Variants in SRGN observed in about 807,000 individuals in gnomAD.
SRGN encodes hematopoetic proteoglycan core peptide.
SRGN carries 2 observed loss-of-function variants against 9.5 expected under a neutral mutation model. The ratio of observed to expected loss-of-function variants is 0.21; its 90% CI spans 0.09 to 0.66. The LOEUF is 0.66. SRGN is among the 30% of genes least tolerant of loss of function. SRGN has a pLI of 0.83. For synonymous variants in SRGN, 59 were observed against 72.3 expected (o/e 0.82, Z 0.93); for missense variants, 170 against 192.4 (o/e 0.88, Z 0.69).
chr10:69,093,686 G>GT (rs1436463851), intron 1 of SRGN, among the ~76,000 whole-genome samples: 2 of 151,956 alleles, frequency 1.3e-5, no homozygotes, highest in Non-Finnish European at 2.9e-5. Flanking sequence ...GACCTTCCTG[G>GT]CTAACCCCGT....
chr10:69,096,577 T>A (rs989897888), intron 1 of SRGN, among the ~76,000 whole-genome samples: 1 of 152,156 alleles, frequency 6.6e-6, no homozygotes, highest in Non-Finnish European at 1.5e-5. Flanking sequence ...GAAGGACAAT[T>A]TATATAAAAT....
rs774292860 is a variant in SRGN, at chr10:69,097,120, G to A, written c.116G>A (p.Arg39His). The A allele has an allele frequency of 6.8e-6, 11 of 1,613,968 alleles. No individual in the cohort carries two copies. In the Admixed American group the frequency reaches 1.0e-4, roughly 15 times the overall value. ...PTRRARYQWV[R>H]CNPDSNSANC... ...CGGAGAGCCAGGTACCAATGGGTGC[G>A]CTGCAATCCAGACAGTAATTCTGCA... The change falls in exon 2 of 3, where the codon CGC becomes CAC. Residue 39 changes from arginine (R) to histidine (H), a missense_variant. Arg to His is a conservative substitution (Grantham distance 29). Coordinates refer to ENST00000242465, the MANE Select transcript of SRGN (RefSeq NM_002727.4).
chr10:69,088,259 C>T (rs771129419), intron 1 of SRGN, 23 bp downstream of exon 1: 1 of 1,593,662 alleles, frequency 6.3e-7, no homozygotes, highest in East Asian at 2.2e-5. Context: ...AGTCTTGTTC[C>T]CCAGCCATCT....
intron 2 of SRGN, among the ~76,000 whole-genome samples, chr10:69,100,775 G>A (rs1840273056): frequency 6.6e-6 from 1 of 152,064 alleles, no homozygotes; most frequent in South Asian, 2.1e-4. Context: ...TGGGAGGCAA[G>A]GACGGGAGAC....
At chr10:69,094,359 A>C (rs1046733604) in intron 1 of SRGN, among the ~76,000 whole-genome samples, 11 of 152,206 alleles carry the variant, frequency 7.2e-5, no homozygotes, top group African/African-American at 2.4e-4. Context: ...CAATGGGAGA[A>C]TATTTACTGT....
chr10:69,092,661 G>A (rs34046436), intron 1 of SRGN, among the ~76,000 whole-genome samples: 26,779 of 151,936 alleles, frequency 0.18, 3,193 homozygotes, highest in Non-Finnish European at 0.25. Context: ...GGGCATGGTG[G>A]TGTGCACCTG....
At chr10:69,093,303 T>C (rs1205356289) in intron 1 of SRGN, among the ~76,000 whole-genome samples, 1 of 152,244 alleles carries the variant, frequency 6.6e-6, no homozygotes, top group East Asian at 1.9e-4. Flanking sequence ...TTTACATTGA[T>C]GATATGTTAA....
intron 2 of SRGN, 87 bp downstream of exon 2, chr10:69,097,318 T>C: frequency 8.7e-7 from 1 of 1,147,468 alleles, no homozygotes; most frequent in Non-Finnish European, 1.2e-6. Flanking sequence ...TGGAGTGCAA[T>C]GGCGCAATCT....
At chr10:69,095,626 A>G (rs949874323) in intron 1 of SRGN, among the ~76,000 whole-genome samples, 1 of 151,934 alleles carries the variant, frequency 6.6e-6, no homozygotes, top group African/African-American at 2.4e-5. Context: ...AACCTCCTAT[A>G]TAGGCCGGGC....
intron 2 of SRGN, among the ~76,000 whole-genome samples, chr10:69,101,620 C>T (rs755486307): frequency 2.9e-4 from 44 of 152,306 alleles, no homozygotes; most frequent in Non-Finnish European, 4.9e-4. Flanking sequence ...TTCACAATAA[C>T]ACCTCCTGAA....
intron 1 of SRGN, 57 bp downstream of exon 1, chr10:69,088,293 G>A: frequency 2.1e-6 from 3 of 1,404,498 alleles, no homozygotes; most frequent in Non-Finnish European, 3.0e-6. Context: ...TGTGGTCCAT[G>A]CAAGTCATTA....
In SRGN at chr10:69,104,265, T is replaced by TC. The variant is rs1840353919; in HGVS notation, c.*146dup. 1.8e-6 allele frequency: 2 copies of TC among 1,085,100 alleles called. No homozygotes were observed. The highest frequency in any genetic ancestry group is 5.5e-5 in the Admixed American group (2 of 36,652). The allele number at this position is 1,085,100 out of a possible 1,614,324, so 67.2% of individuals were successfully genotyped here. On this transcript the variant is annotated 3_prime_UTR_variant, in exon 3 of 3. Coordinates refer to ENST00000242465, the MANE Select transcript of SRGN (RefSeq NM_002727.4). ...GCTTAAGTTTTATCATCCTTTTTTT[T>TC]CTCATGAATTCTTAAAGGATTATGC...
intron 2 of SRGN, among the ~76,000 whole-genome samples, chr10:69,102,593 G>C (rs1303688579): frequency 6.6e-6 from 1 of 152,160 alleles, no homozygotes; most frequent in Non-Finnish European, 1.5e-5. Context: ...GTGACACTCA[G>C]CTTTTGTCTC....
intron 2 of SRGN, among the ~76,000 whole-genome samples, chr10:69,103,087 G>A (rs1840324108): frequency 6.6e-6 from 1 of 151,920 alleles, no homozygotes. Context: ...TTACAGGCAT[G>A]CACCACCACA....
chr10:69,101,702 C>A (rs752787146), intron 2 of SRGN, among the ~76,000 whole-genome samples: 1 of 152,154 alleles, frequency 6.6e-6, no homozygotes, highest in Non-Finnish European at 1.5e-5. Flanking sequence ...ACACTCCACC[C>A]TGGTTGACAA....
intron 2 of SRGN, among the ~76,000 whole-genome samples, chr10:69,101,243 G>C (rs1326841887): frequency 6.6e-6 from 1 of 152,092 alleles, no homozygotes; most frequent in African/African-American, 2.4e-5. Flanking sequence ...GGGATTACAG[G>C]CATGAGCCAC....
chr10:69,097,525 C>T (rs1479964401), intron 2 of SRGN, among the ~76,000 whole-genome samples: 6 of 149,882 alleles, frequency 4.0e-5, no homozygotes, highest in African/African-American at 9.8e-5. Flanking sequence ...CTCCTGGGTT[C>T]ACGCCATTCT....
chr10:69,101,707 T>C (rs894368838), intron 2 of SRGN, among the ~76,000 whole-genome samples: 14 of 152,196 alleles, frequency 9.2e-5, no homozygotes, highest in African/African-American at 3.4e-4. Context: ...CCACCCTGGT[T>C]GACAAAGTCA....
At chr10:69,091,378 A>G (rs941593761) in intron 1 of SRGN, among the ~76,000 whole-genome samples, 51 of 152,208 alleles carry the variant, frequency 3.4e-4, no homozygotes, top group African/African-American at 1.2e-3. Flanking sequence ...GGAGAAATTG[A>G]AAGTAAACTT....
Sources: allele counts gnomAD v4.1 joint callset (sites outside exome capture counted in the v4.1 genomes callset), GRCh38; gene constraint gnomAD v4.1.1; transcripts MANE v1.5; gene names NCBI Gene and HGNC (gene_info 2026-07-23, HGNC 2026-07-21).